The following ATF6 variants were observed in gnomAD, a reference collection of about 807,000 sequenced individuals.
ATF6 encodes the protein activating transcription factor 6.
In ATF6, 53 loss-of-function variants were observed where a neutral mutation model predicts 83.6. The observed-to-expected ratio is 0.63, with a 90% CI of 0.51 to 0.80. ATF6 has a LOEUF of 0.80. Ranked by LOEUF, ATF6 falls within the 30% of genes least tolerant of loss-of-function variation. The probability of loss-of-function intolerance (pLI) is 0.00; values close to 1 mark genes in which losing one functional copy is unlikely to be tolerated. For synonymous variants in ATF6, 288 were observed against 285.8 expected (o/e 1.01, Z -0.08); for missense variants, 744 against 797.9 (o/e 0.93, Z 0.81).
chr1:161,894,265 T>A (rs890416180), intron 14 of ATF6, among the ~76,000 whole-genome samples: 4 of 151,336 alleles, frequency 2.6e-5, no homozygotes, highest in African/African-American at 7.3e-5. Context: ...TTTAAAAACT[T>A]ATTTTGGAAT....
intron 12 of ATF6, among the ~76,000 whole-genome samples, chr1:161,859,674 C>T (rs1686839138): frequency 1.3e-5 from 2 of 152,102 alleles, no homozygotes; most frequent in South Asian, 2.1e-4. Context: ...GACAGGTTTC[C>T]AGTGTAGCAT....
chr1:161,884,813 A>C (rs1687386886), intron 14 of ATF6, among the ~76,000 whole-genome samples: 1 of 152,194 alleles, frequency 6.6e-6, no homozygotes, highest in Non-Finnish European at 1.5e-5. Flanking sequence ...ATTTTAAATT[A>C]ACATTGAGAA....
At chr1:161,786,435 G>A (rs951909200) in intron 4 of ATF6, among the ~76,000 whole-genome samples, 1 of 151,272 alleles carries the variant, frequency 6.6e-6, no homozygotes, top group Non-Finnish European at 1.5e-5. Flanking sequence ...TTTATTTCTG[G>A]TGTTTATTTT....
At chr1:161,831,243 A>G (rs894381738) in intron 9 of ATF6, among the ~76,000 whole-genome samples, 2 of 152,254 alleles carry the variant, frequency 1.3e-5, no homozygotes, top group Admixed American at 1.3e-4. Flanking sequence ...AACCACAATG[A>G]GATACCATCT....
rs141862063 is a variant in ATF6 at position 161,876,808 on chromosome 1, T to A, written c.1719+13496T>A. ...TCAAATATATCAGTTTTATCTTTTC[T>A]GTATCTTATATGTAGACAGTATAGT... is the stretch of plus-strand genomic sequence containing the variant. On this transcript the variant is annotated intron_variant, in intron 14 of 15. Coordinates refer to ENST00000367942, the MANE Select transcript of ATF6 (RefSeq NM_007348.4). Among the ~76,000 whole-genome samples, 11 of 152,148 alleles carry A rather than the reference T, an allele frequency of 7.2e-5. No homozygotes were observed. The East Asian group carries it at 1.5e-3, about 21-fold the overall frequency.
At chr1:161,817,632 A>G (rs1362861639) in intron 7 of ATF6, among the ~76,000 whole-genome samples, 2 of 152,164 alleles carry the variant, frequency 1.3e-5, no homozygotes, top group Non-Finnish European at 2.9e-5. Flanking sequence ...GCCTTTTTGT[A>G]GTTTAAATAA....
At chr1:161,793,706 G>A (rs1270864761) in intron 6 of ATF6, among the ~76,000 whole-genome samples, 1 of 152,154 alleles carries the variant, frequency 6.6e-6, no homozygotes, top group African/African-American at 2.4e-5. Flanking sequence ...CTAAGAATTT[G>A]CCCTTAGCAG....
chr1:161,866,723 C>G (rs1398269959), intron 14 of ATF6, among the ~76,000 whole-genome samples: 1 of 152,092 alleles, frequency 6.6e-6, no homozygotes, highest in Non-Finnish European at 1.5e-5. Flanking sequence ...AGAAAAAAAT[C>G]CAATTAAGTT....
rs140197706 is a variant in ATF6 at position 161,858,429 on chromosome 1, A to G, written c.1534-1778A>G. On this transcript the variant is annotated intron_variant, in intron 12 of 15. Coordinates refer to ENST00000367942, the MANE Select transcript of ATF6 (RefSeq NM_007348.4). ...CTGACAGATGGAAAATAAAGGTGAA[A>G]AAGGATGTATGCCATGCAAACATGA... 1.1e-4 allele frequency among the ~76,000 whole-genome samples: 17 copies of G among 152,304 alleles called. No individual in the cohort carries two copies. In the East Asian group the frequency reaches 2.9e-3, roughly 26 times the overall value.
chr1:161,807,865 C>CTTTTTTTTTTTTTTTTTTTTTTTTTTT (rs761462420), intron 7 of ATF6, among the ~76,000 whole-genome samples: 1 of 32,344 alleles, frequency 3.1e-5, no homozygotes, highest in African/African-American at 1.1e-4. Flanking sequence ...AGTTTGTCAT[C>CTTTTTTTTTTTTTTTTTTTTTTTTTTT]TTTTTTTTTT....
At chr1:161,789,964 C>T (rs1464718728) in intron 4 of ATF6, among the ~76,000 whole-genome samples, 1 of 152,192 alleles carries the variant, frequency 6.6e-6, no homozygotes, top group Non-Finnish European at 1.5e-5. Context: ...ACCAGTGAGA[C>T]TGAGAGCATT....
intron 14 of ATF6, among the ~76,000 whole-genome samples, chr1:161,906,132 C>T (rs1300431736): frequency 6.6e-6 from 1 of 152,030 alleles, no homozygotes; most frequent in Non-Finnish European, 1.5e-5. Context: ...TGCGCCTGGC[C>T]AACTCAAGTT....
intron 14 of ATF6, among the ~76,000 whole-genome samples, chr1:161,898,832 G>A (rs1475901149): frequency 6.6e-6 from 1 of 152,186 alleles, no homozygotes; most frequent in Non-Finnish European, 1.5e-5. Context: ...ACAGGTGTGA[G>A]CCACCGTGCC....
chr1:161,785,262 A>AT (rs968412524), intron 4 of ATF6, among the ~76,000 whole-genome samples: 2 of 151,636 alleles, frequency 1.3e-5, no homozygotes, highest in South Asian at 2.1e-4. Flanking sequence ...GAATAGCCCC[A>AT]TTTTTTTCTT....
chr1:161,920,336 C>A (rs1271106059), intron 15 of ATF6, among the ~76,000 whole-genome samples: 2 of 92,180 alleles, frequency 2.2e-5, no homozygotes, highest in Non-Finnish European at 4.3e-5. Context: ...GCTCTGTCGC[C>A]CAGGCTGGAG....
At chr1:161,884,725 C>T (rs970500757) in intron 14 of ATF6, among the ~76,000 whole-genome samples, 1 of 152,026 alleles carries the variant, frequency 6.6e-6, no homozygotes, top group Non-Finnish European at 1.5e-5. Context: ...AGATGCTAAA[C>T]AAATACACAG....
rs778871704 is a variant in ATF6 at position 161,819,758 on chromosome 1, C to T, written c.1035C>T (p.Asn345=). Residue 345 remains asparagine, a synonymous_variant, in exon 8 of 16, where the codon AAC becomes AAT. Coordinates refer to ENST00000367942, the MANE Select transcript of ATF6 (RefSeq NM_007348.4). ...GATTAAAGGCTGCCCTCTCAGAAAA[C>T]GAGCAACTGAAGAAAGAAAATGGAA... ...EARLKAALSE[N]EQLKKENGTL... 6.2e-6 allele frequency: 10 copies of T among 1,612,146 alleles called. No homozygotes were observed. The highest frequency in any genetic ancestry group is 2.7e-5 in the African/African-American group (2 of 74,820).
chr1:161,766,519 T>A lies in ATF6; in HGVS notation c.82+77T>A, dbSNP rs1165557298. 6 of 1,436,362 alleles carry A rather than the reference T, an allele frequency of 4.2e-6. No homozygotes were observed. The Admixed American group carries it at 9.0e-5, about 22-fold the overall frequency. The allele number at this position is 1,436,362 out of a possible 1,614,324, so 89.0% of individuals were successfully genotyped here. A position where few individuals can be genotyped will look rare whatever the true frequency, so the allele number is the denominator to read the frequency against. On this transcript the variant is annotated intron_variant, in intron 1 of 15. Transcript: ENST00000367942. ...TTTCTTCCTCCCTACTTCCGCCCACTCGTGGTGACAGGTGTGGACCAACCC... is the reference window on the plus strand; with the variant it reads ...TTTCTTCCTCCCTACTTCCGCCCACACGTGGTGACAGGTGTGGACCAACCC...
At chr1:161,835,222 T>TA (rs1188140462) in intron 9 of ATF6, among the ~76,000 whole-genome samples, 3 of 152,226 alleles carry the variant, frequency 2.0e-5, no homozygotes, top group African/African-American at 7.2e-5. Context: ...CTGGCTCATT[T>TA]AAAAAAGTTT....
Sources: gnomAD v4.1 joint callset for allele counts (sites outside exome capture counted in the v4.1 genomes callset) on GRCh38, gnomAD v4.1.1 for gene constraint, MANE v1.5 for transcripts, NCBI Gene and HGNC (gene_info 2026-07-23, HGNC 2026-07-21) for gene names.